The following PHF3 variants were observed in gnomAD, a reference collection of about 807,000 sequenced individuals.
PHF3 encodes the protein PHD finger protein 3.
Under a neutral mutation model 178.4 loss-of-function variants are expected in PHF3, and 41 were observed. The observed-to-expected ratio is 0.23, with a 90% CI of 0.18 to 0.30. The LOEUF is 0.30. Ranked by LOEUF, PHF3 falls within the 10% of genes least tolerant of loss-of-function variation. The pLI, the probability that PHF3 is intolerant of heterozygous loss-of-function variation, is 1.00. For missense variants in PHF3, 2,346 were observed against 2,398.1 expected (o/e 0.98, Z 0.45); for synonymous variants, 842 against 800.5 (o/e 1.05, Z -0.88).
At position 63,720,880 on chromosome 6, in the gene PHF3, G is replaced by T; in HGVS notation, c.*7172G>T. The T allele has an allele frequency of 6.4e-7, 1 of 1,550,938 alleles. No individual in the cohort carries two copies. Among genetic ancestry groups the T allele is most frequent in the South Asian group, 1.2e-5 (1 of 84,042 alleles). On this transcript the variant is annotated 3_prime_UTR_variant, in exon 16 of 16. Transcript: ENST00000262043. ...TAGGCCTTGATAAGAGTCTGATTTT[G>T]AATTACAACTACATGGTGCCATTTA...
At chr6:63,699,538 C>G (rs542958238) in intron 8 of PHF3, among the ~76,000 whole-genome samples, 1 of 152,280 alleles carries the variant, frequency 6.6e-6, no homozygotes, top group South Asian at 2.1e-4. Context: ...TCTGGAATTA[C>G]ATAATCTGGA....
At chr6:63,680,300 T>A in intron 3 of PHF3, 139 bp downstream of exon 3, 1 of 673,024 alleles carries the variant, frequency 1.5e-6, no homozygotes, top group Non-Finnish European at 2.4e-6. Context: ...AGTTTTGAGA[T>A]CATATCAATT....
rs763893625 is a variant in PHF3 at position 63,684,515 on chromosome 6, A to G, written c.793A>G (p.Ile265Val). 45 of 1,613,392 alleles carry G rather than the reference A, an allele frequency of 2.8e-5. No individual in the cohort carries two copies. Among genetic ancestry groups the G allele is most frequent in the Non-Finnish European group, 3.6e-5 (42 of 1,179,744 alleles). The stretch of plus-strand genomic sequence containing the variant: ...ACTTCTTTCAGAGACTTGTGTTACT[A>G]TTGGAGAAAAGAAAAATGAAGCTTT... ...CSLLSETCVT[I>V]GEKKNEALME... Residue 265 changes from isoleucine to valine, a missense_variant, in exon 4 of 16, where the codon ATT becomes GTT. By Grantham distance (29) the Ile-to-Val change is conservative. Transcript: ENST00000262043.
At position 63,725,909 on chromosome 6, in the gene PHF3, G is replaced by C. The variant is rs974488489; in HGVS notation, c.*12201G>C. ...TTTAAAAATACTTAGCAATAGAGAT[G>C]TAACTATATGTGCAGATGTCTTTGT... On this transcript the variant is annotated 3_prime_UTR_variant, in exon 16 of 16. Coordinates refer to ENST00000262043, the MANE Select transcript of PHF3 (RefSeq NM_001370348.2). 6.6e-6 allele frequency among the ~76,000 whole-genome samples: 1 copy of C among 152,106 alleles called. No individual in the cohort carries two copies. The highest frequency in any genetic ancestry group is 2.4e-5 in the African/African-American group (1 of 41,422).
At chr6:63,703,010 T>A (rs1767540020) in intron 10 of PHF3, among the ~76,000 whole-genome samples, 1 of 152,212 alleles carries the variant, frequency 6.6e-6, no homozygotes, top group African/African-American at 2.4e-5. Context: ...CCCAAGTAGT[T>A]GGGATTACAG....
intron 2 of PHF3, among the ~76,000 whole-genome samples, chr6:63,671,547 A>G (rs1765917080): frequency 6.6e-6 from 1 of 152,230 alleles, no homozygotes; most frequent in African/African-American, 2.4e-5. Flanking sequence ...GAGTAGCTGC[A>G]TGCTGAGGTA....
intron 2 of PHF3, among the ~76,000 whole-genome samples, chr6:63,674,000 C>T (rs1188145900): frequency 1.3e-5 from 2 of 151,978 alleles, no homozygotes; most frequent in African/African-American, 2.4e-5. Flanking sequence ...CCTGGGCAGC[C>T]GAATTCGTTG....
chr6:63,697,286 T>C (rs944293001), intron 6 of PHF3, among the ~76,000 whole-genome samples: 5 of 152,172 alleles, frequency 3.3e-5, no homozygotes, highest in Non-Finnish European at 7.3e-5. Flanking sequence ...TTGACAGTTT[T>C]TCCATTTTTT....
chr6:63,647,620 C>T (rs1417111402), intron 2 of PHF3, among the ~76,000 whole-genome samples: 1 of 151,932 alleles, frequency 6.6e-6, no homozygotes, highest in Non-Finnish European at 1.5e-5. Context: ...TTCTGTTGGA[C>T]AGAAAAGGGT....
At position 63,657,437 on chromosome 6, in the gene PHF3, G is replaced by A. The variant is rs573596035; in HGVS notation, c.244+10642G>A. Among the ~76,000 whole-genome samples, 74 of 152,256 alleles carry A rather than the reference G, an allele frequency of 4.9e-4. 1 individual carries two copies. Among genetic ancestry groups the A allele is most frequent in the African/African-American group, 1.7e-3 (70 of 41,526 alleles). On this transcript the variant is annotated intron_variant, in intron 2 of 15. Coordinates refer to ENST00000262043, the MANE Select transcript of PHF3 (RefSeq NM_001370348.2). The stretch of plus-strand genomic sequence containing the variant: ...AGCCTTACTGATAGCAGAAACAGCT[G>A]ATTAACACATATTTTGTACATTATA...
intron 12 of PHF3, 119 bp from the exon 13 acceptor site, chr6:63,706,608 CTT>C (rs1401426206): frequency 9.2e-6 from 7 of 761,872 alleles, no homozygotes; most frequent in African/African-American, 1.8e-5. Flanking sequence ...AGTGTGAACT[CTT>C]TGTCAATAGC....
In PHF3 at chr6:63,722,920, A is replaced by G. The variant is rs1768461572; in HGVS notation, c.*9212A>G. Among the ~76,000 whole-genome samples, 1 of 152,204 alleles carries G rather than the reference A, an allele frequency of 6.6e-6. No individual in the cohort carries two copies. The highest frequency in any genetic ancestry group is 2.4e-5 in the African/African-American group (1 of 41,462). ...ATAGGGAATTTTTAGTGAGTATACT[A>G]TGTCGTTACATATGTGATATTTGGT... On this transcript the variant is annotated 3_prime_UTR_variant, in exon 16 of 16. Coordinates refer to ENST00000262043, the MANE Select transcript of PHF3 (RefSeq NM_001370348.2).
In PHF3 at chr6:63,646,803, T is replaced by G; in HGVS notation, c.244+8T>G. The G allele has an allele frequency of 7.8e-7, 1 of 1,280,342 alleles. No homozygotes were observed. The highest frequency in any genetic ancestry group is 2.6e-5 in the South Asian group (1 of 38,470). The allele number at this position is 1,280,342 out of a possible 1,614,324, so 79.3% of individuals were successfully genotyped here. ...AGATGCCTTGTTCAACAGGTAATTC[T>G]TACTTTTTTTTTTTTTTTTTTTTTT... On this transcript the variant is annotated splice_region_variant and intron_variant, in intron 2 of 15. Transcript: ENST00000262043.
intron 2 of PHF3, among the ~76,000 whole-genome samples, chr6:63,654,889 CTTT>C (rs34787470): frequency 1.1e-5 from 1 of 94,786 alleles, no homozygotes. Flanking sequence ...ATTAGGTGAC[CTTT>C]TTTTTTTTTT....
In PHF3 at chr6:63,713,340, G is replaced by A; in HGVS notation, c.5752G>A (p.Gly1918Arg). 1.9e-6 allele frequency: 3 copies of A among 1,614,018 alleles called. No homozygotes were observed. The highest frequency in any genetic ancestry group is 2.5e-6 in the Non-Finnish European group (3 of 1,179,974). Reference protein sequence around the residue: ...QLDRPFNRGKGDRQRFYSDSH... With the variant: ...QLDRPFNRGKRDRQRFYSDSH... ...GGATAGGCCATTTAATAGGGGTAAA[G>A]GGGACCGCCAGAGATTTTATAGTGA... The change falls in exon 16 of 16, where the codon GGG becomes AGG. Residue 1918 changes from glycine to arginine, a missense_variant. Physicochemically the swap from Gly to Arg is moderately radical, Grantham distance 125. Transcript: ENST00000262043.
chr6:63,680,708 T>TTA (rs1422788461), intron 3 of PHF3, among the ~76,000 whole-genome samples: 1 of 152,046 alleles, frequency 6.6e-6, no homozygotes, highest in East Asian at 1.9e-4. Context: ...ATACCAGCAG[T>TTA]TATACTAAAA....
chr6:63,697,363 T>A (rs1767276646), intron 6 of PHF3, among the ~76,000 whole-genome samples: 1 of 152,134 alleles, frequency 6.6e-6, no homozygotes, highest in Non-Finnish European at 1.5e-5. Flanking sequence ...TGGTTTGAGA[T>A]GAGAGGAGAA....
chr6:63,661,221 G>A (rs1245486537), intron 2 of PHF3, among the ~76,000 whole-genome samples: 2 of 152,152 alleles, frequency 1.3e-5, no homozygotes, highest in Non-Finnish European at 2.9e-5. Flanking sequence ...GGAAGGCAGG[G>A]ATTGCAGCTA....
intron 4 of PHF3, among the ~76,000 whole-genome samples, 153 bp from the exon 5 acceptor site, chr6:63,691,584 C>G (rs747027824): frequency 6.6e-6 from 1 of 151,996 alleles, no homozygotes; most frequent in Non-Finnish European, 1.5e-5. Flanking sequence ...TCTTTGAAAA[C>G]TTGCTGTATG....
Sources: gnomAD v4.1 joint callset for allele counts (sites outside exome capture counted in the v4.1 genomes callset) on GRCh38, gnomAD v4.1.1 for gene constraint, MANE v1.5 for transcripts, NCBI Gene and HGNC (gene_info 2026-07-23, HGNC 2026-07-21) for gene names.